QTMAN: variants seen among roughly 807,000 people sequenced by gnomAD.
QTMAN encodes the protein tRNA-queuosine alpha-mannosyltransferase.
chr2:144,293,233 G>C, the QTMAN span, among the ~76,000 whole-genome samples: 4 of 152,146 alleles, frequency 2.6e-5, no homozygotes, highest in Non-Finnish European at 2.9e-5. Flanking sequence ...CCATAGAGAT[G>C]CATGTAGTAT....
the QTMAN span, among the ~76,000 whole-genome samples, chr2:143,998,386 T>C: frequency 6.6e-6 from 1 of 151,586 alleles, no homozygotes; most frequent in East Asian, 1.9e-4. Flanking sequence ...CTAGGCCAAA[T>C]AATGCTGAAA....
chr2:144,225,232 C>T, the QTMAN span, among the ~76,000 whole-genome samples: 5 of 152,296 alleles, frequency 3.3e-5, no homozygotes, highest in African/African-American at 9.6e-5. Context: ...AGCAAATCAA[C>T]AGGCCACAGG....
chr2:144,228,893 G>A, the QTMAN span, among the ~76,000 whole-genome samples: 1 of 152,166 alleles, frequency 6.6e-6, no homozygotes, highest in African/African-American at 2.4e-5. Context: ...GGGAGGCGGA[G>A]GTTGTGGTGA....
the QTMAN span, among the ~76,000 whole-genome samples, chr2:144,129,641 T>C: frequency 0.16 from 25,035 of 151,886 alleles, 3,955 homozygotes; most frequent in African/African-American, 0.4. Context: ...CACTAAACAA[T>C]CAGAATTAAT....
At chr2:144,276,055 T>A in the QTMAN span, among the ~76,000 whole-genome samples, 9 of 152,158 alleles carry the variant, frequency 5.9e-5, no homozygotes, top group African/African-American at 1.7e-4. Flanking sequence ...TTTCATTGTT[T>A]TTATTATTCT....
the QTMAN span, among the ~76,000 whole-genome samples, chr2:144,326,603 A>C: frequency 3.3e-5 from 5 of 151,854 alleles, no homozygotes; most frequent in Non-Finnish European, 7.4e-5. Context: ...AAAAAAAAAA[A>C]AAAACACAGA....
the QTMAN span, among the ~76,000 whole-genome samples, chr2:144,137,805 T>C: frequency 1.3e-5 from 2 of 152,120 alleles, no homozygotes; most frequent in Admixed American, 1.3e-4. Context: ...TCTTTGGCTA[T>C]GACAATACAC....
the QTMAN span, among the ~76,000 whole-genome samples, chr2:144,013,087 G>A: frequency 1.3e-5 from 2 of 152,100 alleles, no homozygotes; most frequent in African/African-American, 4.8e-5. Flanking sequence ...ACCAGAGATG[G>A]TTTTGTGGGA....
At chr2:144,165,012 A>C in the QTMAN span, among the ~76,000 whole-genome samples, 1 of 152,144 alleles carries the variant, frequency 6.6e-6, no homozygotes, top group South Asian at 2.1e-4. Context: ...ATGATGTTTT[A>C]AAAAGACTTT....
At chr2:144,251,964 G>A in the QTMAN span, among the ~76,000 whole-genome samples, 9 of 152,210 alleles carry the variant, frequency 5.9e-5, no homozygotes, top group Admixed American at 3.9e-4. Context: ...GGGAGGTGGA[G>A]GTGGAAGGAC....
chr2:144,182,783 C>G, the QTMAN span, among the ~76,000 whole-genome samples: 53 of 45,886 alleles, frequency 1.2e-3, no homozygotes, highest in African/African-American at 2.8e-3. Flanking sequence ...TTATCAGGTA[C>G]ATTATATATA....
the QTMAN span, among the ~76,000 whole-genome samples, chr2:144,046,653 A>G: frequency 6.6e-6 from 1 of 152,232 alleles, no homozygotes; most frequent in Admixed American, 6.5e-5. Flanking sequence ...ATAATATGAT[A>G]CAGTATGATT....
At chr2:144,240,744 A>G in the QTMAN span, among the ~76,000 whole-genome samples, 1 of 152,228 alleles carries the variant, frequency 6.6e-6, no homozygotes, top group Non-Finnish European at 1.5e-5. Context: ...AAACAAGTAG[A>G]ACAGGTTAAA....
the QTMAN span, among the ~76,000 whole-genome samples, chr2:144,308,856 C>T: frequency 6.6e-6 from 1 of 151,482 alleles, no homozygotes; most frequent in African/African-American, 2.4e-5. Context: ...CTCTACAGAC[C>T]AAGAGAAAAC....
At chr2:144,305,671 G>A in the QTMAN span, among the ~76,000 whole-genome samples, 1 of 152,132 alleles carries the variant, frequency 6.6e-6, no homozygotes, top group East Asian at 1.9e-4. Context: ...TGAATCTGTA[G>A]ATCATTTGGG....
the QTMAN span, among the ~76,000 whole-genome samples, chr2:144,122,773 T>C: frequency 6.6e-6 from 1 of 152,232 alleles, no homozygotes; most frequent in Non-Finnish European, 1.5e-5. Context: ...AGCTTAAAGA[T>C]GTATTGATAT....
the QTMAN span, among the ~76,000 whole-genome samples, chr2:143,960,633 T>C: frequency 5.3e-5 from 8 of 152,042 alleles, no homozygotes; most frequent in Non-Finnish European, 1.0e-4. Context: ...CATAGGATAC[T>C]TGAAGGTGAA....
At chr2:144,117,423 T>C in the QTMAN span, among the ~76,000 whole-genome samples, 12 of 152,190 alleles carry the variant, frequency 7.9e-5, 1 homozygote, top group Admixed American at 7.9e-4. Context: ...TATTTTTTAA[T>C]CTTCATAACT....
the QTMAN span, among the ~76,000 whole-genome samples, chr2:144,297,854 A>G: frequency 6.6e-6 from 1 of 151,498 alleles, no homozygotes; most frequent in East Asian, 1.9e-4. Context: ...TGCTGGGATT[A>G]CAGGTGTGAG....
Sources: gnomAD v4.1 joint callset for allele counts (sites outside exome capture counted in the v4.1 genomes callset) on GRCh38, gnomAD v4.1.1 for gene constraint, MANE v1.5 for transcripts, NCBI Gene and HGNC (gene_info 2026-07-23, HGNC 2026-07-21) for gene names.